Variants in CDH4 observed in about 807,000 individuals in gnomAD.
The protein encoded by CDH4 is cadherin 4.
A neutral mutation model predicts 86.0 loss-of-function variants in CDH4; 33 were observed. That is an observed-to-expected ratio of 0.38 (90% CI 0.29 to 0.51). CDH4 has a LOEUF of 0.51. Among genes scored for constraint, CDH4 ranks in the 20% least tolerant of loss-of-function variants. CDH4 has a pLI of 0.86. For missense variants in CDH4, 1,114 were observed against 1,307.4 expected, an observed-to-expected ratio of 0.85 and a Z score of 2.28; for synonymous variants, 555 against 549.4, an observed-to-expected ratio of 1.01 and a Z score of -0.14.
chr20:61,736,054 C>T (rs2088259218), intron 2 of CDH4, among the ~76,000 whole-genome samples: 1 of 152,200 alleles, frequency 6.6e-6, no homozygotes, highest in Non-Finnish European at 1.5e-5. Flanking sequence ...GGATGCGGGA[C>T]CTCCTGGGAG....
At chr20:61,577,890 A>T (rs555230287) in intron 2 of CDH4, among the ~76,000 whole-genome samples, 11 of 152,286 alleles carry the variant, frequency 7.2e-5, no homozygotes, top group African/African-American at 2.4e-4. Flanking sequence ...AACTAGCCTG[A>T]GGCAAAGCTG....
At chr20:61,845,056 C>T (rs771771037) in intron 5 of CDH4, among the ~76,000 whole-genome samples, 7 of 151,996 alleles carry the variant, frequency 4.6e-5, no homozygotes, top group South Asian at 2.1e-4. Context: ...CTGCATTTCA[C>T]ACACTCCCCA....
intron 2 of CDH4, among the ~76,000 whole-genome samples, chr20:61,278,302 C>T (rs867804314): frequency 1.5e-4 from 23 of 152,224 alleles, no homozygotes; most frequent in African/African-American, 5.5e-4. Flanking sequence ...CTTAAATGTG[C>T]AGGAATCAAA....
chr20:61,363,266 A>T (rs2084794137), intron 2 of CDH4, among the ~76,000 whole-genome samples: 1 of 152,030 alleles, frequency 6.6e-6, no homozygotes, highest in Admixed American at 6.6e-5. Flanking sequence ...TTGCTCAACA[A>T]ATATTTGCTC....
At position 61,681,603 on chromosome 20, in the gene CDH4, G is replaced by C. The variant is rs1395206844; in HGVS notation, c.170-61960G>C. On this transcript the variant is annotated intron_variant, in intron 2 of 15. Coordinates refer to ENST00000614565, the MANE Select transcript of CDH4 (RefSeq NM_001794.5). This position sits in a 1 kb window ranked among gnomAD's most constrained non-coding sequence, Gnocchi z 4.5. ...AAAGGGGGCATCATCTAGCAGCTGG[G>C]AGGAGTCTCAGGATCCCCCTGCAGG... 1.3e-5 allele frequency among the ~76,000 whole-genome samples: 2 copies of C among 152,194 alleles called. No homozygotes were observed. The highest frequency in any genetic ancestry group is 2.9e-5 in the Non-Finnish European group (2 of 68,038).
chr20:61,274,871 GA>G (rs2084217917), intron 2 of CDH4, among the ~76,000 whole-genome samples: 1 of 144,116 alleles, frequency 6.9e-6, no homozygotes, highest in African/African-American at 2.6e-5. Context: ...GGTTGTTTGG[GA>G]GAGTACTGTG....
intron 2 of CDH4, among the ~76,000 whole-genome samples, chr20:61,256,524 G>A (rs761379463): frequency 6.6e-5 from 10 of 152,216 alleles, no homozygotes; most frequent in African/African-American, 9.7e-5. Flanking sequence ...AGGCCAAACC[G>A]TGCTGTGCTC....
At chr20:61,894,798 G>T in intron 7 of CDH4, 112 bp from the exon 8 acceptor site, 1 of 1,208,782 alleles carries the variant, frequency 8.3e-7, no homozygotes, top group Non-Finnish European at 1.2e-6. Flanking sequence ...CAGTGAAAGA[G>T]AACCGGTTCC....
chr20:61,663,319 T>G lies in CDH4; in HGVS notation c.170-80244T>G, dbSNP rs2087282253. ...AGTGGCACCCGCAGGAGGCCTGTGCTGCGGAGCTCCTGGGAGGGTGACGCT... is the reference window on the plus strand; with the variant it reads ...AGTGGCACCCGCAGGAGGCCTGTGCGGCGGAGCTCCTGGGAGGGTGACGCT... On this transcript the variant is annotated intron_variant, in intron 2 of 15. Transcript: ENST00000614565. This position sits in a 1 kb window ranked among gnomAD's most constrained non-coding sequence, Gnocchi z 5.0. 6.6e-6 allele frequency among the ~76,000 whole-genome samples: 1 copy of G among 152,210 alleles called. No homozygotes were observed. Among genetic ancestry groups the G allele is most frequent in the Non-Finnish European group, 1.5e-5 (1 of 68,046 alleles).
intron 2 of CDH4, among the ~76,000 whole-genome samples, chr20:61,564,626 A>G (rs2086249492): frequency 6.6e-6 from 1 of 152,230 alleles, no homozygotes; most frequent in South Asian, 2.1e-4. Flanking sequence ...CATCCTGTAC[A>G]GCCTGCAGAA....
chr20:61,666,633 G>A lies in CDH4; in HGVS notation c.170-76930G>A, dbSNP rs538418639. 2.2e-4 allele frequency among the ~76,000 whole-genome samples: 34 copies of A among 152,312 alleles called. No individual in the cohort carries two copies. The East Asian group carries it at 6.0e-3, about 27-fold the overall frequency. ...TCCGCAGAACTGTTGCTTCCGGAGG[G>A]CCAGCCCAGGCAGGACTAGGGACTC... is the stretch of plus-strand genomic sequence containing the variant. On this transcript the variant is annotated intron_variant, in intron 2 of 15. Transcript: ENST00000614565.
chr20:61,511,279 A>G (rs1051735809), intron 2 of CDH4, among the ~76,000 whole-genome samples: 1 of 152,220 alleles, frequency 6.6e-6, no homozygotes, highest in Non-Finnish European at 1.5e-5. Context: ...TCACACCACC[A>G]GAAATCCACA....
chr20:61,713,659 G>A (rs1157833973), intron 2 of CDH4, among the ~76,000 whole-genome samples: 5 of 152,210 alleles, frequency 3.3e-5, no homozygotes, highest in Non-Finnish European at 7.3e-5. Flanking sequence ...TGAGGCCCTG[G>A]GGCAAGGGCT....
intron 2 of CDH4, among the ~76,000 whole-genome samples, chr20:61,482,828 C>A (rs2085575517): frequency 6.6e-6 from 1 of 152,214 alleles, no homozygotes; most frequent in South Asian, 2.1e-4. Context: ...ACATGCCAGG[C>A]CTGGTCCTCC....
In CDH4 at chr20:61,393,312, C is replaced by T. The variant is rs978859816; in HGVS notation, c.169+138375C>T. Among the ~76,000 whole-genome samples the T allele has an allele frequency of 1.3e-5, 2 of 151,950 alleles. No homozygotes were observed. On this transcript the variant is annotated intron_variant, in intron 2 of 15. Coordinates refer to ENST00000614565, the MANE Select transcript of CDH4 (RefSeq NM_001794.5). The surrounding 1 kb of genome is among the most constrained non-coding windows in gnomAD (Gnocchi z 4.3). ...GGAGAGAAACAGAAGGCCCAGCATCCGGTCTTCCAGTGGTGTGGGGGACAG... is the reference window on the plus strand; with the variant it reads ...GGAGAGAAACAGAAGGCCCAGCATCTGGTCTTCCAGTGGTGTGGGGGACAG...
intron 4 of CDH4, among the ~76,000 whole-genome samples, chr20:61,777,770 A>G (rs2088861844): frequency 6.6e-6 from 1 of 151,700 alleles, no homozygotes; most frequent in African/African-American, 2.4e-5. Context: ...ACACGTGCAT[A>G]CAAAAACACA....
At chr20:61,578,359 G>T (rs2086400184) in intron 2 of CDH4, among the ~76,000 whole-genome samples, 1 of 152,208 alleles carries the variant, frequency 6.6e-6, no homozygotes, top group African/African-American at 2.4e-5. Context: ...TTTGTCAGAA[G>T]ATTCTCATAC....
At chr20:61,885,745 C>T (rs1328912037) in intron 7 of CDH4, among the ~76,000 whole-genome samples, 1 of 152,230 alleles carries the variant, frequency 6.6e-6, no homozygotes, top group Non-Finnish European at 1.5e-5. Flanking sequence ...CCCACAGCAT[C>T]TAATCTTCAT....
intron 4 of CDH4, among the ~76,000 whole-genome samples, chr20:61,838,430 G>A (rs538167469): frequency 3.9e-5 from 6 of 152,278 alleles, no homozygotes; most frequent in Admixed American, 1.3e-4. Context: ...CAGGAGCACT[G>A]GTTGGGGCCA....
Sources: gnomAD v4.1 joint callset for allele counts (sites outside exome capture counted in the v4.1 genomes callset) on GRCh38, gnomAD v4.1.1 for gene constraint, Gnocchi (gnomAD v3.1) non-coding constraint, MANE v1.5 for transcripts, NCBI Gene and HGNC (gene_info 2026-07-23, HGNC 2026-07-21) for gene names.